SLC8A1: variants seen among roughly 807,000 people sequenced by gnomAD.
SLC8A1 encodes sodium/calcium exchanger 1.
In SLC8A1, 18 loss-of-function variants were observed where a neutral mutation model predicts 68.3. That is an observed-to-expected ratio of 0.26 (90% CI 0.18 to 0.39). The LOEUF (loss-of-function observed/expected upper bound fraction) is 0.39, where lower values mean the gene tolerates loss of function less well. Among genes scored for constraint, SLC8A1 ranks in the 10% least tolerant of loss-of-function variants. The pLI, the probability that SLC8A1 is intolerant of heterozygous loss-of-function variation, is 1.00. For synonymous variants in SLC8A1, 475 were observed against 415.5 expected, an observed-to-expected ratio of 1.14 and a Z score of -1.74; for missense variants, 985 against 1,156.7, an observed-to-expected ratio of 0.85 and a Z score of 2.15.
chr2:40,370,771 T>A (rs1368441165), intron 2 of SLC8A1, among the ~76,000 whole-genome samples: 1 of 152,098 alleles, frequency 6.6e-6, no homozygotes, highest in Non-Finnish European at 1.5e-5. Context: ...AGCACTTTCA[T>A]ACCTGTATTC....
At chr2:40,292,287 A>C (rs984792541) in intron 2 of SLC8A1, among the ~76,000 whole-genome samples, 1 of 152,172 alleles carries the variant, frequency 6.6e-6, no homozygotes, top group African/African-American at 2.4e-5. Context: ...TCAAAAGCCT[A>C]CTGCTGACAA....
intron 1 of SLC8A1, among the ~76,000 whole-genome samples, chr2:40,486,197 C>A (rs1393022920): frequency 6.6e-6 from 1 of 152,156 alleles, no homozygotes; most frequent in Non-Finnish European, 1.5e-5. Context: ...TTGCCTTCTG[C>A]CATGATTGTA....
intron 2 of SLC8A1, among the ~76,000 whole-genome samples, chr2:40,325,336 G>A (rs1209017694): frequency 6.6e-6 from 1 of 152,102 alleles, no homozygotes; most frequent in East Asian, 1.9e-4. Flanking sequence ...CCAGGCCCCT[G>A]AAACCAGGAA....
chr2:40,143,655 G>A (rs1460935752), intron 6 of SLC8A1, among the ~76,000 whole-genome samples: 1 of 152,194 alleles, frequency 6.6e-6, no homozygotes, highest in Non-Finnish European at 1.5e-5. Context: ...TGCACAGGGT[G>A]TCAGTTCAGC....
intron 1 of SLC8A1, among the ~76,000 whole-genome samples, chr2:40,482,842 G>C (rs1704722765): frequency 6.8e-6 from 1 of 146,898 alleles, no homozygotes; most frequent in Non-Finnish European, 1.5e-5. Context: ...CCAGGTTGGA[G>C]TGCAGTGGCG....
intron 2 of SLC8A1, among the ~76,000 whole-genome samples, chr2:40,401,620 A>T (rs1039745605): frequency 7.4e-6 from 1 of 134,484 alleles, no homozygotes; most frequent in African/African-American, 2.9e-5. Flanking sequence ...TGAGTTCTTA[A>T]TATGTATTTT....
chr2:40,346,587 A>G (rs775289097), intron 2 of SLC8A1, among the ~76,000 whole-genome samples: 10 of 151,918 alleles, frequency 6.6e-5, no homozygotes, highest in Non-Finnish European at 1.0e-4. Flanking sequence ...CTATTCCACA[A>G]GAGCTTGTTC....
chr2:40,398,395 G>C (rs1687655454), intron 2 of SLC8A1, among the ~76,000 whole-genome samples: 1 of 152,226 alleles, frequency 6.6e-6, no homozygotes, highest in African/African-American at 2.4e-5. Flanking sequence ...CTGGTTATTG[G>C]TGGTATATTT....
chr2:40,283,136 C>G (rs975524810), intron 2 of SLC8A1, among the ~76,000 whole-genome samples: 1 of 152,132 alleles, frequency 6.6e-6, no homozygotes, highest in African/African-American at 2.4e-5. Context: ...AACAACTAGT[C>G]CACTCTGTTA....
intron 2 of SLC8A1, among the ~76,000 whole-genome samples, chr2:40,253,325 T>TATATGTGTATATATATACACACACAA (rs1558970941): frequency 6.6e-6 from 1 of 151,062 alleles, no homozygotes; most frequent in Non-Finnish European, 1.5e-5. Flanking sequence ...TACACACACA[T>TATATGTGTATATATATACACACACAA]ATATGTGTAT....
rs1375182018 is a variant in SLC8A1, at chr2:40,503,818, A to G, written c.-25+8531T>C. 2.0e-5 allele frequency among the ~76,000 whole-genome samples: 3 copies of G among 152,082 alleles called. No homozygotes were observed. The East Asian group carries it at 5.8e-4, about 29-fold the overall frequency. ...AAGGAATTGAAGAGGACAACAAAAA[A>G]TGGAAAATTAATCCATAATCATGGA... is the stretch of plus-strand genomic sequence containing the variant. On this transcript the variant is annotated intron_variant, in intron 1 of 7. Transcript: ENST00000402441.
At chr2:40,277,169 G>A (rs1352253910) in intron 2 of SLC8A1, among the ~76,000 whole-genome samples, 1 of 151,922 alleles carries the variant, frequency 6.6e-6, no homozygotes, top group Non-Finnish European at 1.5e-5. Flanking sequence ...ACATGGTATG[G>A]TTATAACACT....
chr2:40,377,220 T>C (rs1680185914), intron 2 of SLC8A1, among the ~76,000 whole-genome samples: 1 of 152,048 alleles, frequency 6.6e-6, no homozygotes, highest in African/African-American at 2.4e-5. Context: ...CTCAAAGACA[T>C]TCTCCAGTTG....
intron 2 of SLC8A1, among the ~76,000 whole-genome samples, chr2:40,270,235 G>A (rs770144053): frequency 6.6e-6 from 1 of 152,226 alleles, no homozygotes; most frequent in Non-Finnish European, 1.5e-5. Flanking sequence ...TCCAGCCCTA[G>A]CTTCAGATCC....
intron 2 of SLC8A1, among the ~76,000 whole-genome samples, chr2:40,267,758 G>A (rs2065530231): frequency 6.6e-6 from 1 of 152,192 alleles, no homozygotes; most frequent in African/African-American, 2.4e-5. Flanking sequence ...CTACAAGGTA[G>A]ATATTATTTT....
At chr2:40,423,658 C>G (rs1331656443) in intron 2 of SLC8A1, among the ~76,000 whole-genome samples, 1 of 151,864 alleles carries the variant, frequency 6.6e-6, no homozygotes, top group African/African-American at 2.4e-5. Context: ...ATTATAACCC[C>G]AAGCTTTAAT....
intron 2 of SLC8A1, among the ~76,000 whole-genome samples, chr2:40,379,705 C>G (rs1681099753): frequency 6.6e-6 from 1 of 151,920 alleles, no homozygotes; most frequent in African/African-American, 2.4e-5. Flanking sequence ...CTTTGGGACC[C>G]TGTGCCTTTA....
intron 1 of SLC8A1, among the ~76,000 whole-genome samples, chr2:40,483,959 G>A (rs1278097759): frequency 2.0e-5 from 3 of 152,178 alleles, no homozygotes; most frequent in East Asian, 1.9e-4. Flanking sequence ...AGCATTTATT[G>A]TGAGTTTCTG....
chr2:40,485,065 A>G (rs1333521380), intron 1 of SLC8A1, among the ~76,000 whole-genome samples: 2 of 152,074 alleles, frequency 1.3e-5, no homozygotes, highest in African/African-American at 2.4e-5. Context: ...TCTTATTTCT[A>G]TTGCTTCTTT....
Sources: allele counts gnomAD v4.1 joint callset (sites outside exome capture counted in the v4.1 genomes callset), GRCh38; gene constraint gnomAD v4.1.1; transcripts MANE v1.5; gene names NCBI Gene and HGNC (gene_info 2026-07-23, HGNC 2026-07-21).